The following TNR variants were observed in gnomAD, a reference collection of about 807,000 sequenced individuals.
TNR encodes the protein tenascin-R.
A neutral mutation model predicts 150.4 loss-of-function variants in TNR; 45 were observed. That is an observed-to-expected ratio of 0.30 (90% confidence interval 0.24 to 0.38). The LOEUF (loss-of-function observed/expected upper bound fraction) is 0.38. TNR is among the 10% of genes least tolerant of loss of function. The probability of loss-of-function intolerance (pLI) is 1.00; values close to 1 mark genes in which losing one functional copy is unlikely to be tolerated. For missense variants in TNR, 1,544 were observed against 1,759.1 expected (o/e 0.88, Z 2.19); for synonymous variants, 687 against 678.4 (o/e 1.01, Z -0.20).
At chr1:175,326,012 T>G (rs1420725350) in intron 21 of TNR, among the ~76,000 whole-genome samples, 1 of 151,864 alleles carries the variant, frequency 6.6e-6, no homozygotes, top group African/African-American at 2.4e-5. Flanking sequence ...GAACTTAGAG[T>G]GTAATAAAAA....
intron 13 of TNR, 128 bp from the exon 14 acceptor site, chr1:175,362,937 T>G: frequency 1.2e-5 from 14 of 1,153,564 alleles, no homozygotes; most frequent in Non-Finnish European, 1.8e-5. Context: ...GGATGATACA[T>G]GGTTCATGGG....
chr1:175,346,340 G>T (rs1245881057), intron 18 of TNR, among the ~76,000 whole-genome samples: 1 of 152,210 alleles, frequency 6.6e-6, no homozygotes, highest in Non-Finnish European at 1.5e-5. Flanking sequence ...GACAGAGCTT[G>T]TTTGTGGGGA....
chr1:175,564,885 C>T (rs1661578796), intron 1 of TNR, among the ~76,000 whole-genome samples: 1 of 152,218 alleles, frequency 6.6e-6, no homozygotes, highest in African/African-American at 2.4e-5. Context: ...TCTGGCTTCC[C>T]TCTTCAGCTT....
intron 18 of TNR, among the ~76,000 whole-genome samples, chr1:175,353,157 T>C (rs1651137417): frequency 6.6e-6 from 1 of 150,742 alleles, no homozygotes; most frequent in Non-Finnish European, 1.5e-5. Flanking sequence ...TGGGAGGTGG[T>C]AGAGAGAAAC....
intron 1 of TNR, among the ~76,000 whole-genome samples, chr1:175,641,466 T>C (rs79002936): frequency 0.057 from 8,643 of 152,196 alleles, 652 homozygotes; most frequent in African/African-American, 0.17. Context: ...AGGGAGGACA[T>C]AGTAATGTAA....
intron 9 of TNR, among the ~76,000 whole-genome samples, chr1:175,379,151 C>G (rs573702911): frequency 1.8e-4 from 26 of 146,294 alleles, no homozygotes; most frequent in South Asian, 1.5e-3. Context: ...TGCACTCCAG[C>G]CTGGGCAATA....
intron 1 of TNR, among the ~76,000 whole-genome samples, chr1:175,742,628 A>T (rs902075652): frequency 6.6e-6 from 1 of 152,076 alleles, no homozygotes; most frequent in African/African-American, 2.4e-5. Flanking sequence ...CCCACTTACC[A>T]TGGGTTCACA....
intron 1 of TNR, among the ~76,000 whole-genome samples, chr1:175,737,330 A>T (rs1038884762): frequency 1.3e-5 from 2 of 152,198 alleles, no homozygotes; most frequent in Non-Finnish European, 2.9e-5. Flanking sequence ...TTACTCACTA[A>T]ATGATGTAAA....
chr1:175,669,096 C>T (rs183994439), intron 1 of TNR, among the ~76,000 whole-genome samples: 121 of 152,318 alleles, frequency 7.9e-4, no homozygotes, highest in South Asian at 5.2e-3. Flanking sequence ...ACATCAGCTC[C>T]TGCCTCAGTT....
At chr1:175,742,166 T>C (rs1667948677) in intron 1 of TNR, among the ~76,000 whole-genome samples, 1 of 152,158 alleles carries the variant, frequency 6.6e-6, no homozygotes, top group Non-Finnish European at 1.5e-5. Flanking sequence ...CTGAACATAC[T>C]TCAGAGAGGC....
intron 1 of TNR, among the ~76,000 whole-genome samples, chr1:175,668,372 C>T (rs1665592696): frequency 6.6e-6 from 1 of 151,194 alleles, no homozygotes. Context: ...GTGTCATCGT[C>T]AGCCCCAGGC....
chr1:175,568,778 C>T (rs796142612), intron 1 of TNR, among the ~76,000 whole-genome samples: 2 of 152,144 alleles, frequency 1.3e-5, no homozygotes, highest in African/African-American at 4.8e-5. Flanking sequence ...GGACTTGAGA[C>T]TCTTGAAGGA....
chr1:175,646,753 G>A (rs145382970), intron 1 of TNR, among the ~76,000 whole-genome samples: 6 of 152,324 alleles, frequency 3.9e-5, no homozygotes, highest in Non-Finnish European at 8.8e-5. Context: ...CCTTAGTCAT[G>A]ACAGGCAGGG....
At chr1:175,510,063 T>TA (rs958406182) in intron 2 of TNR, among the ~76,000 whole-genome samples, 7 of 151,572 alleles carry the variant, frequency 4.6e-5, no homozygotes, top group African/African-American at 1.2e-4. Context: ...CCTGTCTCTA[T>TA]AAAAAAAATA....
chr1:175,501,395 G>A (rs143786222), intron 2 of TNR, among the ~76,000 whole-genome samples: 1 of 152,352 alleles, frequency 6.6e-6, no homozygotes, highest in East Asian at 1.9e-4. Flanking sequence ...AGGTACTTCA[G>A]TCTGTTAACC....
chr1:175,618,083 T>C (rs1436307975), intron 1 of TNR, among the ~76,000 whole-genome samples: 1 of 152,240 alleles, frequency 6.6e-6, no homozygotes, highest in Non-Finnish European at 1.5e-5. Context: ...CAACCAACAT[T>C]CCTTATGATA....
At chr1:175,643,045 G>T (rs1303083716) in intron 1 of TNR, among the ~76,000 whole-genome samples, 1 of 152,210 alleles carries the variant, frequency 6.6e-6, no homozygotes, top group Non-Finnish European at 1.5e-5. Flanking sequence ...AATCACTAGA[G>T]AAACGTTAAT....
rs1651776067 is a variant in TNR, at chr1:175,365,197, T to C, written c.2400A>G (p.Pro800=). The change falls in exon 12 of 23, where the codon CCA becomes CCG. Residue 800 remains proline (P), a synonymous_variant. Transcript: ENST00000367674. ...TGTAGTTAAGAATGAGTCTGTCTGC[T>C]GGGGGAGATGGATCACTCCAAGTGA... ...VNITWSDPSP[P]ADRLILNYSP... The C allele has an allele frequency of 1.5e-5, 24 of 1,613,908 alleles. No homozygotes were observed. The highest frequency in any genetic ancestry group is 1.9e-5 in the Non-Finnish European group (22 of 1,179,998).
At chr1:175,451,991 G>A (rs1656345252) in intron 2 of TNR, among the ~76,000 whole-genome samples, 1 of 152,206 alleles carries the variant, frequency 6.6e-6, no homozygotes, top group Admixed American at 6.5e-5. Flanking sequence ...TGTCAAGTGT[G>A]CTGTGCCATG....
Sources: gnomAD v4.1 joint callset for allele counts (sites outside exome capture counted in the v4.1 genomes callset) on GRCh38, gnomAD v4.1.1 for gene constraint, MANE v1.5 for transcripts, NCBI Gene and HGNC (gene_info 2026-07-23, HGNC 2026-07-21) for gene names.